SYNPR: variants seen among roughly 807,000 people sequenced by gnomAD.
The protein encoded by SYNPR is synaptoporin.
In SYNPR, 23 loss-of-function variants were observed where a neutral mutation model predicts 32.9. That is an observed-to-expected ratio of 0.70 (90% CI 0.50 to 0.99). The LOEUF (loss-of-function observed/expected upper bound fraction) is 0.99. Ranked by LOEUF, SYNPR falls within the 50% of genes least tolerant of loss-of-function variation. The pLI is 0.00. For missense variants in SYNPR, 318 were observed against 349.3 expected (o/e 0.91, Z 0.71); for synonymous variants, 146 against 135.9 (o/e 1.07, Z -0.52).
intron 3 of SYNPR, among the ~76,000 whole-genome samples, chr3:63,507,243 T>C (rs28401435): frequency 0.26 from 40,011 of 151,964 alleles, 6,338 homozygotes; most frequent in African/African-American, 0.44. Flanking sequence ...AAACTGGATA[T>C]TTTAACCATA....
chr3:63,311,055 A>G (rs2086958794), intron 2 of SYNPR, among the ~76,000 whole-genome samples: 1 of 151,980 alleles, frequency 6.6e-6, no homozygotes, highest in Non-Finnish European at 1.5e-5. Flanking sequence ...GTCAAGTTGA[A>G]TGTGTACTAG....
chr3:63,603,408 T>C (rs181439742), intron 4 of SYNPR, among the ~76,000 whole-genome samples: 79 of 152,164 alleles, frequency 5.2e-4, no homozygotes, highest in Admixed American at 1.8e-3. Context: ...GAGAGGGCAT[T>C]CCTGTCTTGT....
chr3:63,605,834 G>C (rs1052115841), intron 4 of SYNPR, among the ~76,000 whole-genome samples: 6 of 152,226 alleles, frequency 3.9e-5, no homozygotes, highest in Non-Finnish European at 5.9e-5. Flanking sequence ...ACATGCTCTT[G>C]GTGAGTCTGA....
intron 2 of SYNPR, among the ~76,000 whole-genome samples, chr3:63,293,539 T>G (rs1028675578): frequency 1.3e-5 from 2 of 152,206 alleles, no homozygotes; most frequent in East Asian, 3.8e-4. Context: ...AACCACATAA[T>G]GTATTAATTT....
At chr3:63,322,373 A>G (rs551249091) in intron 2 of SYNPR, among the ~76,000 whole-genome samples, 11 of 152,170 alleles carry the variant, frequency 7.2e-5, no homozygotes, top group Admixed American at 5.2e-4. Flanking sequence ...ATAGATGTTC[A>G]TGGAGTGGTG....
At chr3:63,272,980 G>T (rs2086548493) in intron 3 of SYNPR, among the ~76,000 whole-genome samples, 1 of 152,070 alleles carries the variant, frequency 6.6e-6, no homozygotes, top group South Asian at 2.1e-4. Flanking sequence ...AGTGATCTCA[G>T]GAGAATGTTA....
chr3:63,455,797 A>G (rs1488365403), intron 2 of SYNPR, among the ~76,000 whole-genome samples: 4 of 103,598 alleles, frequency 3.9e-5, no homozygotes, highest in Non-Finnish European at 7.6e-5. Context: ...GGATCTTCAG[A>G]TGTTCTCAAA....
intron 3 of SYNPR, among the ~76,000 whole-genome samples, chr3:63,552,461 G>C (rs934223400): frequency 6.6e-6 from 1 of 152,078 alleles, no homozygotes; most frequent in African/African-American, 2.4e-5. Flanking sequence ...AATTTTGTTG[G>C]AGCTGTACAC....
chr3:63,360,269 C>A (rs1404642054), intron 2 of SYNPR, among the ~76,000 whole-genome samples: 1 of 152,162 alleles, frequency 6.6e-6, no homozygotes, highest in African/African-American at 2.4e-5. Context: ...TCAGCAAATT[C>A]TTCCCATGAT....
At chr3:63,201,381 G>C in the SYNPR span, among the ~76,000 whole-genome samples, 1 of 152,040 alleles carries the variant, frequency 6.6e-6, no homozygotes, top group Non-Finnish European at 1.5e-5. Flanking sequence ...CTATCACATT[G>C]TCTGAAAGGC....
intron 2 of SYNPR, among the ~76,000 whole-genome samples, chr3:63,438,773 A>G (rs985444482): frequency 2.6e-5 from 4 of 152,348 alleles, no homozygotes; most frequent in African/African-American, 9.6e-5. Flanking sequence ...AGGTTGTTCC[A>G]TAAGTGAATT....
At chr3:63,388,032 G>A (rs1575619923) in intron 2 of SYNPR, among the ~76,000 whole-genome samples, 1 of 152,154 alleles carries the variant, frequency 6.6e-6, no homozygotes, top group Admixed American at 6.5e-5. Flanking sequence ...GATAGCAGCT[G>A]AGCGGACCCT....
In SYNPR at chr3:63,407,139, A is replaced by G. The variant is rs17068498; in HGVS notation, c.85-73693A>G. 5.8e-3 allele frequency among the ~76,000 whole-genome samples: 889 copies of G among 152,310 alleles called. 8 individuals are homozygous for G. Among genetic ancestry groups the G allele is most frequent in the African/African-American group, 0.02 (832 of 41,572 alleles). On this transcript the variant is annotated intron_variant, in intron 2 of 5. Transcript: ENST00000478300. ...ACCTGGTGGTGAAATTTGAACAAAG[A>G]TATTTCCATTGCATCTTGATTTTCC...
chr3:63,345,856 C>T (rs1315970225), intron 2 of SYNPR, among the ~76,000 whole-genome samples: 1 of 151,924 alleles, frequency 6.6e-6, no homozygotes, highest in Non-Finnish European at 1.5e-5. Flanking sequence ...GTTCTGTTGC[C>T]CAGACTGGAG....
intron 3 of SYNPR, among the ~76,000 whole-genome samples, chr3:63,528,260 A>G (rs1348236322): frequency 6.6e-6 from 1 of 152,220 alleles, no homozygotes. Flanking sequence ...TTGGGGTCAA[A>G]TAAACTTTAG....
Position 63,600,522 on chromosome 3 carries a change from C to T in SYNPR, c.409-8603C>T, listed in dbSNP as rs577617036. On this transcript the variant is annotated intron_variant, in intron 4 of 5. Coordinates refer to ENST00000478300, the MANE Select transcript of SYNPR (RefSeq NM_001130003.2). The stretch of plus-strand genomic sequence containing the variant: ...TGCTTAATATGGTTTGGCTGTGTCC[C>T]CACCCAAAATCTCATCTTGAATTTT... 1.1e-4 allele frequency among the ~76,000 whole-genome samples: 17 copies of T among 151,576 alleles called. 1 individual carries two copies. In the South Asian group the frequency reaches 3.5e-3, roughly 32 times the overall value.
In SYNPR at chr3:63,302,559, A is replaced by G. The variant is rs1270630104; in HGVS notation, c.84+23817A>G. On this transcript the variant is annotated intron_variant, in intron 2 of 5. Coordinates refer to ENST00000478300, the MANE Select transcript of SYNPR (RefSeq NM_001130003.2). ...TCTCACTTTAATTCAATGGTCTTCA[A>G]ATTATCCAGGCATATGATATATCAC... is the stretch of plus-strand genomic sequence containing the variant. Among the ~76,000 whole-genome samples, 7 of 152,154 alleles carry G rather than the reference A, an allele frequency of 4.6e-5. No individual in the cohort carries two copies. In the East Asian group the frequency reaches 1.4e-3, roughly 29 times the overall value.
At chr3:63,478,290 A>C (rs559832479) in intron 2 of SYNPR, among the ~76,000 whole-genome samples, 10 of 152,332 alleles carry the variant, frequency 6.6e-5, no homozygotes, top group African/African-American at 2.4e-4. Flanking sequence ...TGAAAAGCCA[A>C]GGTAGTTTCT....
At chr3:63,359,735 C>CT (rs1056183767) in intron 2 of SYNPR, among the ~76,000 whole-genome samples, 1 of 152,204 alleles carries the variant, frequency 6.6e-6, no homozygotes, top group African/African-American at 2.4e-5. Flanking sequence ...AGTCCCAGCT[C>CT]TGCCCCTTAT....
Sources: gnomAD v4.1 joint callset for allele counts (sites outside exome capture counted in the v4.1 genomes callset) on GRCh38, gnomAD v4.1.1 for gene constraint, MANE v1.5 for transcripts, NCBI Gene and HGNC (gene_info 2026-07-23, HGNC 2026-07-21) for gene names.